Variants in FBXO25 observed in about 807,000 individuals in gnomAD.
The protein encoded by FBXO25 is F-box protein 25.
A neutral mutation model predicts 51.9 loss-of-function variants in FBXO25; 45 were observed. The ratio of observed to expected loss-of-function variants is 0.87; its 90% CI spans 0.68 to 1.11. The LOEUF (loss-of-function observed/expected upper bound fraction) is 1.11, where lower values mean the gene tolerates loss of function less well. Ranked by LOEUF, FBXO25 falls within the 50% of genes most tolerant of loss-of-function variation. The pLI is 0.00. For synonymous variants in FBXO25, 199 were observed against 151.0 expected, an observed-to-expected ratio of 1.32 and a Z score of -2.33; for missense variants, 507 against 428.5, an observed-to-expected ratio of 1.18 and a Z score of -1.62.
intron 3 of FBXO25, 127 bp downstream of exon 3, chr8:431,571 T>C (rs1410327720): frequency 2.1e-5 from 11 of 520,114 alleles, no homozygotes; most frequent in Non-Finnish European, 3.4e-5. Context: ...GTATCCAGCA[T>C]TGCCTACAGA....
In FBXO25 at chr8:463,127, C is replaced by T. The variant is rs1799925674; in HGVS notation, c.964C>T (p.His322Tyr). 1 of 1,612,908 alleles carries T rather than the reference C, an allele frequency of 6.2e-7. No individual in the cohort carries two copies. Among genetic ancestry groups the T allele is most frequent in the East Asian group, 2.2e-5 (1 of 44,868 alleles). Residue 322 changes from histidine (H) to tyrosine (Y), a missense_variant, in exon 9 of 10, where the codon CAC (histidine) becomes TAC (tyrosine). Coordinates refer to ENST00000350302, the MANE Select transcript of FBXO25 (RefSeq NM_183420.2). Reference sequence around the variant, plus strand: ...CGGAGACACACTGCATTTCTGTCGGCACTGCAGCATTCTCTTTTGGAAGGT... The same window carrying T: ...CGGAGACACACTGCATTTCTGTCGGTACTGCAGCATTCTCTTTTGGAAGGT... Reference protein sequence around the residue: ...QYGDTLHFCRHCSILFWKDSG... With the variant: ...QYGDTLHFCRYCSILFWKDSG...
At chr8:422,435 G>T (rs1397660148) in intron 2 of FBXO25, among the ~76,000 whole-genome samples, 1 of 152,230 alleles carries the variant, frequency 6.6e-6, no homozygotes, top group Non-Finnish European at 1.5e-5. Context: ...GGGGGGCCAT[G>T]GTAGTGTGTC....
intron 9 of FBXO25, among the ~76,000 whole-genome samples, chr8:466,509 C>A (rs1427097650): frequency 1.3e-5 from 2 of 152,152 alleles, no homozygotes; most frequent in Admixed American, 6.5e-5. Context: ...TTTGTGTTGA[C>A]TGAGAAACTA....
chr8:412,009 A>G (rs1314575803), intron 1 of FBXO25, among the ~76,000 whole-genome samples: 1 of 152,248 alleles, frequency 6.6e-6, no homozygotes, highest in African/African-American at 2.4e-5. Flanking sequence ...GTTAATGCAC[A>G]GCAGTAGTTG....
rs1201197609 is a variant in FBXO25 at position 451,163 on chromosome 8, G to C, written c.476-106G>C. On this transcript the variant is annotated intron_variant, in intron 6 of 9. Coordinates refer to ENST00000350302, the MANE Select transcript of FBXO25 (RefSeq NM_183420.2). ...CTATTGCATGTATAGATCACACGTT[G>C]TTTGTCTGTTCGTCTATCAGTGGAC... 3.4e-6 allele frequency: 3 copies of C among 886,270 alleles called. No individual in the cohort carries two copies. The African/African-American group carries it at 5.1e-5, about 15-fold the overall frequency. The allele number at this position is 886,270 out of a possible 1,614,324, so 54.9% of individuals were successfully genotyped here.
chr8:454,231 A>ACT (rs751525539), intron 7 of FBXO25, among the ~76,000 whole-genome samples: 11 of 152,212 alleles, frequency 7.2e-5, no homozygotes, highest in Non-Finnish European at 1.2e-4. Flanking sequence ...AACATCAGAA[A>ACT]TTTTTTTTCT....
At chr8:412,968 T>G in intron 1 of FBXO25, 105 bp from the exon 2 acceptor site, 1 of 1,012,120 alleles carries the variant, frequency 9.9e-7, no homozygotes. Context: ...TGAGCAGACA[T>G]TTAAATGTTA....
intron 2 of FBXO25, among the ~76,000 whole-genome samples, chr8:413,507 T>C (rs1392068251): frequency 6.6e-6 from 1 of 152,128 alleles, no homozygotes; most frequent in Non-Finnish European, 1.5e-5. Context: ...GAAATTGAAA[T>C]GCACAGTTTT....
intron 5 of FBXO25, among the ~76,000 whole-genome samples, chr8:440,504 G>A (rs1457771025): frequency 2.6e-5 from 4 of 152,102 alleles, no homozygotes; most frequent in Non-Finnish European, 2.9e-5. Context: ...TTTTCATTAC[G>A]ACTTTATTTC....
chr8:477,646 T>G lies in FBXO25; in HGVS notation c.*8842T>G, dbSNP rs918332335. 1 of 152,236 alleles carries G rather than the reference T, an allele frequency of 6.6e-6. No individual in the cohort carries two copies. Among genetic ancestry groups the G allele is most frequent in the Non-Finnish European group, 1.5e-5 (1 of 68,058 alleles). 9.4% of individuals were successfully genotyped at this position (152,236 alleles called of 1,614,324 possible). A position where few individuals can be genotyped will look rare whatever the true frequency, so the allele number is the denominator to read the frequency against. On this transcript the variant is annotated 3_prime_UTR_variant, in exon 10 of 10. Coordinates refer to ENST00000350302, the MANE Select transcript of FBXO25 (RefSeq NM_183420.2). ...CAGGGCTTGGAGCAGATGGTAAAGA[T>G]TGTTGGCTTTTCCAGCCATGGGGCT...
intron 4 of FBXO25, among the ~76,000 whole-genome samples, chr8:435,000 C>T (rs898954096): frequency 6.6e-6 from 1 of 152,170 alleles, no homozygotes; most frequent in Non-Finnish European, 1.5e-5. Flanking sequence ...CCAGCACTTG[C>T]CTTCAGCCCT....
chr8:413,103 G>A lies in FBXO25; in HGVS notation c.24G>A (p.Trp8Ter). Reference sequence around the variant, plus strand: ...CTATGCCATTTTTGGGTCAGGACTGGAGATCTCCTGGATGGAGTTGGATTA... The same window carrying A: ...CTATGCCATTTTTGGGTCAGGACTGAAGATCTCCTGGATGGAGTTGGATTA... MPFLGQD[W>*]RSPGWSWIKT... Residue 8 changes from tryptophan (W) to a stop codon, truncating the protein, a stop_gained, in exon 2 of 10, where the codon TGG becomes TGA. Transcript: ENST00000350302. LOFTEE classifies it high-confidence loss of function. 1 of 1,595,470 alleles carries A rather than the reference G, an allele frequency of 6.3e-7. No homozygotes were observed. The highest frequency in any genetic ancestry group is 8.5e-7 in the Non-Finnish European group (1 of 1,172,218).
rs772351968 is a variant in FBXO25 at position 472,977 on chromosome 8, AAAGCC to A, written c.*4177_*4181del. 6.6e-6 allele frequency: 1 copy of A among 152,312 alleles called. No individual in the cohort carries two copies. Among genetic ancestry groups the A allele is most frequent in the Non-Finnish European group, 1.5e-5 (1 of 68,096 alleles). The allele number at this position is 152,312 out of a possible 1,614,324, so 9.4% of individuals were successfully genotyped here. On this transcript the variant is annotated 3_prime_UTR_variant, in exon 10 of 10. Coordinates refer to ENST00000350302, the MANE Select transcript of FBXO25 (RefSeq NM_183420.2). ...TCCCTATCAAATGCTACCCAATGGC[AAAGCC>A]AAGGGATTAGCAACAGGTAGGAGGA... is the stretch of plus-strand genomic sequence containing the variant.
intron 8 of FBXO25, among the ~76,000 whole-genome samples, chr8:460,278 G>C (rs750119571): frequency 3.9e-4 from 59 of 152,104 alleles, no homozygotes; most frequent in Non-Finnish European, 7.9e-4. Context: ...TCTTAAAAGA[G>C]TTGCTTTAAA....
rs1029780234 is a variant in FBXO25, at chr8:472,805, C to T, written c.*4001C>T. 5 of 152,322 alleles carry T rather than the reference C, an allele frequency of 3.3e-5. No individual in the cohort carries two copies. The highest frequency in any genetic ancestry group is 1.2e-4 in the African/African-American group (5 of 41,568). The allele number at this position is 152,322 out of a possible 1,614,324, so 9.4% of individuals were successfully genotyped here. On this transcript the variant is annotated 3_prime_UTR_variant, in exon 10 of 10. Transcript: ENST00000350302. The stretch of plus-strand genomic sequence containing the variant: ...AGTGGACTGTGAAACCTAGTCTGTT[C>T]TGCTTATCTTCAGAATTATCAAAAG...
intron 5 of FBXO25, among the ~76,000 whole-genome samples, chr8:444,201 C>T (rs139379474): frequency 7.9e-5 from 12 of 152,218 alleles, no homozygotes; most frequent in African/African-American, 2.9e-4. Context: ...GAAGATTGAG[C>T]AAAGTTGATT....
At chr8:468,619 T>A in intron 9 of FBXO25, 96 bp from the exon 10 acceptor site, 1 of 879,272 alleles carries the variant, frequency 1.1e-6, no homozygotes, top group Admixed American at 2.1e-5. Flanking sequence ...GGGCCCAGGG[T>A]CCACATCAAC....
chr8:418,805 G>T (rs1317888235), intron 2 of FBXO25, among the ~76,000 whole-genome samples: 1 of 152,182 alleles, frequency 6.6e-6, no homozygotes, highest in Non-Finnish European at 1.5e-5. Flanking sequence ...GTTCAATTGG[G>T]AAGGGAAAGA....
Position 470,778 on chromosome 8 carries a change from T to C in FBXO25, c.*1974T>C, listed in dbSNP as rs1332105114. Reference sequence around the variant, plus strand: ...ATTTCTTTTTCTGTTGGTGCTGTTTTAATAAGTGAAGAATTTGATGTATGA... The same window carrying C: ...ATTTCTTTTTCTGTTGGTGCTGTTTCAATAAGTGAAGAATTTGATGTATGA... On this transcript the variant is annotated 3_prime_UTR_variant, in exon 10 of 10. Transcript: ENST00000350302. 6.6e-6 allele frequency: 1 copy of C among 152,222 alleles called. No individual in the cohort carries two copies. The highest frequency in any genetic ancestry group is 2.4e-5 in the African/African-American group (1 of 41,444). 9.4% of individuals were successfully genotyped at this position (152,222 alleles called of 1,614,324 possible).
Sources: gnomAD v4.1 joint callset for allele counts (sites outside exome capture counted in the v4.1 genomes callset) on GRCh38, gnomAD v4.1.1 for gene constraint, MANE v1.5 for transcripts, NCBI Gene and HGNC (gene_info 2026-07-23, HGNC 2026-07-21) for gene names.